The following CNBD1 variants were observed in gnomAD, a reference collection of about 807,000 sequenced individuals.
The protein encoded by CNBD1 is cyclic nucleotide binding domain containing 1.
In CNBD1, 71 loss-of-function variants were observed where a neutral mutation model predicts 54.4. The observed-to-expected ratio is 1.30, with a 90% CI of 1.08 to 1.59. The LOEUF is 1.59. Among genes scored for constraint, CNBD1 ranks in the 40% most tolerant of loss-of-function variants. The pLI, the probability that CNBD1 is intolerant of heterozygous loss-of-function variation, is 0.00. For synonymous variants in CNBD1, 182 were observed against 170.7 expected (o/e 1.07, Z -0.51); for missense variants, 659 against 518.0 (o/e 1.27, Z -2.64).
At chr8:87,109,893 G>C (rs1005285616) in intron 4 of CNBD1, among the ~76,000 whole-genome samples, 1 of 152,008 alleles carries the variant, frequency 6.6e-6, no homozygotes, top group Non-Finnish European at 1.5e-5. Context: ...AAGATAATTC[G>C]TACTGGAAAT....
intron 6 of CNBD1, among the ~76,000 whole-genome samples, chr8:87,256,403 AATGT>A (rs1205960002): frequency 4.6e-5 from 7 of 151,988 alleles, no homozygotes; most frequent in Admixed American, 1.3e-4. Flanking sequence ...TATTTTTTAG[AATGT>A]ATGTAAGTAT....
At chr8:86,875,044 A>C (rs2131772007) in intron 1 of CNBD1, among the ~76,000 whole-genome samples, 1 of 146,730 alleles carries the variant, frequency 6.8e-6, no homozygotes, top group East Asian at 2.0e-4. Context: ...GTGAGTTTAC[A>C]CTGATTTCTT....
At chr8:87,318,627 T>C (rs2130897087) in intron 8 of CNBD1, among the ~76,000 whole-genome samples, 1 of 151,746 alleles carries the variant, frequency 6.6e-6, no homozygotes, top group South Asian at 2.1e-4. Context: ...CTGGAGGCAG[T>C]CAGTAAAGGA....
At chr8:87,275,123 A>G (rs1333877402) in intron 6 of CNBD1, among the ~76,000 whole-genome samples, 3 of 137,682 alleles carry the variant, frequency 2.2e-5, no homozygotes, top group Non-Finnish European at 3.1e-5. Context: ...GTTCTGTTCC[A>G]TTGATCTGTA....
intron 8 of CNBD1, among the ~76,000 whole-genome samples, chr8:87,309,294 G>C (rs1006440363): frequency 4.0e-5 from 6 of 151,830 alleles, no homozygotes; most frequent in African/African-American, 1.2e-4. Flanking sequence ...TAATATAATC[G>C]GTTTCTTCTT....
chr8:87,314,483 T>C (rs909421223), intron 8 of CNBD1, among the ~76,000 whole-genome samples: 6 of 151,836 alleles, frequency 4.0e-5, no homozygotes, highest in Admixed American at 1.3e-4. Context: ...GATAAAGTGA[T>C]CTAAAAAAAG....
At chr8:87,123,266 A>G (rs776401222) in intron 4 of CNBD1, among the ~76,000 whole-genome samples, 1 of 151,760 alleles carries the variant, frequency 6.6e-6, no homozygotes, top group South Asian at 2.1e-4. Context: ...AGGCATATAT[A>G]TGTTAGGTCA....
intron 1 of CNBD1, among the ~76,000 whole-genome samples, chr8:86,883,491 G>A (rs998691785): frequency 6.6e-6 from 1 of 152,132 alleles, no homozygotes; most frequent in Admixed American, 6.5e-5. Context: ...GAAGACAAGG[G>A]TAATGAGAAT....
chr8:87,147,910 A>G (rs1333239835), intron 4 of CNBD1, among the ~76,000 whole-genome samples: 2 of 152,142 alleles, frequency 1.3e-5, no homozygotes, highest in Non-Finnish European at 2.9e-5. Context: ...AGTATTTGTT[A>G]CAGGTTTTCA....
intron 4 of CNBD1, among the ~76,000 whole-genome samples, chr8:86,971,477 G>T (rs1337379540): frequency 3.3e-5 from 5 of 152,082 alleles, no homozygotes; most frequent in Non-Finnish European, 7.4e-5. Flanking sequence ...GTCTTATGCT[G>T]ATTTCATATT....
rs536773381 is a variant in CNBD1, at chr8:87,304,223, C to T, written c.1042+17552C>T. Among the ~76,000 whole-genome samples, 153 of 151,964 alleles carry T rather than the reference C, an allele frequency of 1.0e-3. 4 individuals carry two copies. In the South Asian group the frequency reaches 0.031, roughly 30 times the overall value. On this transcript the variant is annotated intron_variant, in intron 8 of 10. Transcript: ENST00000518476. ...GCGGCACTATTCACAATAGCAAAGA[C>T]TTGGAACAAACCCAAATGTCCAACA...
At chr8:87,323,246 C>A (rs1002380231) in intron 8 of CNBD1, among the ~76,000 whole-genome samples, 1 of 108,116 alleles carries the variant, frequency 9.2e-6, no homozygotes, top group Non-Finnish European at 2.0e-5. Flanking sequence ...TGTGATGCCT[C>A]CAGCTTTGTT....
At chr8:86,929,463 C>G (rs1397760217) in intron 3 of CNBD1, among the ~76,000 whole-genome samples, 1 of 152,210 alleles carries the variant, frequency 6.6e-6, no homozygotes, top group Non-Finnish European at 1.5e-5. Context: ...ACCTGCCCTT[C>G]ATATCCCACT....
intron 10 of CNBD1, among the ~76,000 whole-genome samples, chr8:87,354,346 T>C (rs1810375625): frequency 6.6e-6 from 1 of 152,108 alleles, no homozygotes; most frequent in South Asian, 2.1e-4. Flanking sequence ...ACTTGGTGGA[T>C]CCCAGGCAGG....
At chr8:87,230,990 T>C (rs995414533) in intron 5 of CNBD1, among the ~76,000 whole-genome samples, 1 of 152,102 alleles carries the variant, frequency 6.6e-6, no homozygotes, top group Non-Finnish European at 1.5e-5. Context: ...GTTTTTAAAG[T>C]CTCAGGAAAC....
In CNBD1 at chr8:87,371,638, T is replaced by C. The variant is rs530140892; in HGVS notation, c.1304-10982T>C. Among the ~76,000 whole-genome samples, 755 of 151,998 alleles carry C rather than the reference T, an allele frequency of 5.0e-3. 6 individuals carry two copies. Among genetic ancestry groups the C allele is most frequent in the African/African-American group, 0.017 (714 of 41,496 alleles). On this transcript the variant is annotated intron_variant, in intron 10 of 10. Coordinates refer to ENST00000518476, the MANE Select transcript of CNBD1 (RefSeq NM_173538.3). ...GCAGCACATCAAAAAGCTTATCCACTATGATCAAGTGGGCTTCATCCCTGG... is the reference window on the plus strand; with the variant it reads ...GCAGCACATCAAAAAGCTTATCCACCATGATCAAGTGGGCTTCATCCCTGG...
At chr8:87,141,415 T>G (rs1226131381) in intron 4 of CNBD1, among the ~76,000 whole-genome samples, 1 of 152,114 alleles carries the variant, frequency 6.6e-6, no homozygotes, top group African/African-American at 2.4e-5. Flanking sequence ...TGACAGAATA[T>G]TATAAAAGGT....
At chr8:87,318,363 C>T (rs1328811189) in intron 8 of CNBD1, among the ~76,000 whole-genome samples, 1 of 152,082 alleles carries the variant, frequency 6.6e-6, no homozygotes, top group Non-Finnish European at 1.5e-5. Flanking sequence ...TACTCAGCAA[C>T]AATTTTATAT....
intron 5 of CNBD1, among the ~76,000 whole-genome samples, chr8:87,207,700 T>A (rs1258772290): frequency 6.6e-6 from 1 of 152,174 alleles, no homozygotes; most frequent in Non-Finnish European, 1.5e-5. Context: ...TTTCAAACAT[T>A]TTCTAAAATT....
Sources: gnomAD v4.1 joint callset for allele counts (sites outside exome capture counted in the v4.1 genomes callset) on GRCh38, gnomAD v4.1.1 for gene constraint, MANE v1.5 for transcripts, NCBI Gene and HGNC (gene_info 2026-07-23, HGNC 2026-07-21) for gene names.